The following TMEM53 variants were observed in gnomAD, a reference collection of about 807,000 sequenced individuals.
TMEM53 encodes the protein transmembrane protein 53.
Under a neutral mutation model 21.4 loss-of-function variants are expected in TMEM53, and 14 were observed. The ratio of observed to expected loss-of-function variants is 0.65; its 90% CI spans 0.43 to 1.02. The LOEUF is 1.02. Ranked by LOEUF, TMEM53 falls within the 50% of genes least tolerant of loss-of-function variation. The pLI is 0.00. For synonymous variants in TMEM53, 148 were observed against 157.4 expected, an observed-to-expected ratio of 0.94 and a Z score of 0.45; for missense variants, 323 against 383.6, an observed-to-expected ratio of 0.84 and a Z score of 1.32.
chr1:44,657,020 A>C (rs1644856442), intron 2 of TMEM53, among the ~76,000 whole-genome samples: 1 of 151,204 alleles, frequency 6.6e-6, no homozygotes, highest in Non-Finnish European at 1.5e-5. Context: ...TCAAAAAAAA[A>C]AAAAGAACAA....
rs776727139 is a variant in TMEM53 at position 44,674,288 on chromosome 1, T to A, written c.61+43A>T. On this transcript the variant is annotated intron_variant, in intron 1 of 2. Coordinates refer to ENST00000372237, the MANE Select transcript of TMEM53 (RefSeq NM_024587.4). Reference sequence around the variant, plus strand: ...GCTGCGCTCGCAACCCACAGGTTCATGAGGTCACCTCCCCGCGCCTGGACC... The same window carrying A: ...GCTGCGCTCGCAACCCACAGGTTCAAGAGGTCACCTCCCCGCGCCTGGACC... 4 of 1,578,402 alleles carry A rather than the reference T, an allele frequency of 2.5e-6. No individual in the cohort carries two copies. The Admixed American group carries it at 5.6e-5, about 22-fold the overall frequency.
chr1:44,657,472 G>A (rs1205677191), intron 2 of TMEM53, among the ~76,000 whole-genome samples: 1 of 152,144 alleles, frequency 6.6e-6, no homozygotes, highest in East Asian at 1.9e-4. Flanking sequence ...CCAAAAAGCT[G>A]GAAGGATATA....
Position 44,660,329 on chromosome 1 carries a change from C to T in TMEM53, c.62-34G>A, listed in dbSNP as rs756635775. 4.4e-6 allele frequency: 7 copies of T among 1,582,472 alleles called. No individual in the cohort carries two copies. The South Asian group carries it at 7.9e-5, about 18-fold the overall frequency. The stretch of plus-strand genomic sequence containing the variant: ...CAGATGTGGACTGTCAACACCAGAG[C>T]TGGGGTGGGGGCGGGGGTGACTGCC... On this transcript the variant is annotated intron_variant, in intron 1 of 2. Coordinates refer to ENST00000372237, the MANE Select transcript of TMEM53 (RefSeq NM_024587.4).
At chr1:44,672,595 G>A (rs929278410) in intron 1 of TMEM53, among the ~76,000 whole-genome samples, 2 of 152,146 alleles carry the variant, frequency 1.3e-5, no homozygotes, top group African/African-American at 2.4e-5. Context: ...CAGAAGCATC[G>A]CCCCAGGGAA....
chr1:44,674,233 G>A (rs1645056800), intron 1 of TMEM53, 98 bp downstream of exon 1: 1 of 1,492,578 alleles, frequency 6.7e-7, no homozygotes, highest in South Asian at 1.3e-5. Context: ...GCCCGAGGGA[G>A]GGCGGGGCCG....
chr1:44,659,971 G>C (rs1175090054), intron 2 of TMEM53, among the ~76,000 whole-genome samples: 2 of 148,148 alleles, frequency 1.3e-5, no homozygotes, highest in African/African-American at 5.0e-5. Context: ...CGATTCTCCT[G>C]CCTCAGCCTC....
intron 1 of TMEM53, among the ~76,000 whole-genome samples, chr1:44,662,658 T>G (rs1644912227): frequency 6.6e-6 from 1 of 152,026 alleles, no homozygotes; most frequent in Non-Finnish European, 1.5e-5. Context: ...TCTGCAGCTG[T>G]CTGAGAACAG....
intron 2 of TMEM53, among the ~76,000 whole-genome samples, chr1:44,659,822 A>C (rs1315483721): frequency 6.6e-6 from 1 of 151,474 alleles, no homozygotes; most frequent in Non-Finnish European, 1.5e-5. Context: ...TAATCCCACC[A>C]AGTCCCTATA....
chr1:44,667,225 A>G (rs1303382858), intron 1 of TMEM53, among the ~76,000 whole-genome samples: 1 of 152,122 alleles, frequency 6.6e-6, no homozygotes, highest in Non-Finnish European at 1.5e-5. Context: ...TAATAGTAAT[A>G]CATTAAGTGA....
chr1:44,667,029 G>C (rs1644954540), intron 1 of TMEM53, among the ~76,000 whole-genome samples: 1 of 151,948 alleles, frequency 6.6e-6, no homozygotes, highest in Non-Finnish European at 1.5e-5. Context: ...TTTTTGTAGA[G>C]ACAGGGTCTC....
In TMEM53 at chr1:44,655,044, C is replaced by T. The variant is rs776966735; in HGVS notation, c.349G>A (p.Val117Ile). The part of the protein sequence containing the change: ...LLFHVFSNGG[V>I]MLYRYVLELL... ...TCCAGCACGTAGCGGTACAGCATGACGCCACCGTTGCTGAAGACATGGAAG... is the reference window on the plus strand; with the variant it reads ...TCCAGCACGTAGCGGTACAGCATGATGCCACCGTTGCTGAAGACATGGAAG... The change falls in exon 3 of 3, where the codon GTC (valine) becomes ATC (isoleucine). Residue 117 changes from valine to isoleucine, a missense_variant. Physicochemically the swap from Val to Ile is conservative, Grantham distance 29. Transcript: ENST00000372237. This position sits in a 1 kb window ranked among gnomAD's most constrained non-coding sequence, Gnocchi z 4.4. The T allele has an allele frequency of 2.1e-5, 34 of 1,614,078 alleles. No individual in the cohort carries two copies. The highest frequency in any genetic ancestry group is 2.5e-5 in the Non-Finnish European group (30 of 1,180,022).
At chr1:44,669,425 A>G (rs191723837) in intron 1 of TMEM53, among the ~76,000 whole-genome samples, 26 of 152,336 alleles carry the variant, frequency 1.7e-4, no homozygotes, top group Non-Finnish European at 5.9e-5. Context: ...TGTTTCCTAG[A>G]AATGGCATCG....
At chr1:44,673,645 C>T (rs978295945) in intron 1 of TMEM53, 10 of 158,416 alleles carry the variant, frequency 6.3e-5, no homozygotes, top group Non-Finnish European at 9.5e-5. Flanking sequence ...AATTACTGAA[C>T]TCACTCCATG....
intron 1 of TMEM53, among the ~76,000 whole-genome samples, chr1:44,673,161 A>C (rs1300696554): frequency 2.0e-5 from 3 of 152,188 alleles, no homozygotes; most frequent in Non-Finnish European, 2.9e-5. Context: ...CAAAAGCGCT[A>C]AGCCAGCAGA....
chr1:44,661,888 C>T (rs1446853631), intron 1 of TMEM53, among the ~76,000 whole-genome samples: 1 of 151,934 alleles, frequency 6.6e-6, no homozygotes, highest in Non-Finnish European at 1.5e-5. Flanking sequence ...CAGACCTCAT[C>T]TCATTTCCCC....
chr1:44,674,269 C>T (rs1193926826), intron 1 of TMEM53, 62 bp downstream of exon 1: 1 of 1,547,416 alleles, frequency 6.5e-7, no homozygotes, highest in Non-Finnish European at 8.7e-7. Context: ...TACAGCTGCG[C>T]TCGCAACCCA....
At chr1:44,673,831 G>A (rs1239062261) in intron 1 of TMEM53, 10 of 984,654 alleles carry the variant, frequency 1.0e-5, no homozygotes, top group Non-Finnish European at 1.2e-5. Context: ...CGACGGCAGA[G>A]ACTGCACTGT....
At chr1:44,668,004 C>G (rs1644963906) in intron 1 of TMEM53, among the ~76,000 whole-genome samples, 1 of 152,162 alleles carries the variant, frequency 6.6e-6, no homozygotes, top group Non-Finnish European at 1.5e-5. Flanking sequence ...CCATAAAACT[C>G]AAGCATAAAT....
intron 1 of TMEM53, among the ~76,000 whole-genome samples, chr1:44,671,154 G>C (rs1022367078): frequency 1.3e-5 from 2 of 152,222 alleles, no homozygotes; most frequent in African/African-American, 4.8e-5. Flanking sequence ...AAGTAAGAGA[G>C]GGTATTGAGA....
Sources: allele counts gnomAD v4.1 joint callset (sites outside exome capture counted in the v4.1 genomes callset), GRCh38; gene constraint gnomAD v4.1.1; non-coding constraint Gnocchi (gnomAD v3.1); transcripts MANE v1.5; gene names NCBI Gene and HGNC (gene_info 2026-07-23, HGNC 2026-07-21).